The following DNAJC10 variants were observed in gnomAD, a reference collection of about 807,000 sequenced individuals.
DNAJC10 encodes endoplasmic reticulum disulfide reductase DNAJC10.
A neutral mutation model predicts 115.0 loss-of-function variants in DNAJC10; 101 were observed. The observed-to-expected ratio is 0.88, with a 90% CI of 0.75 to 1.04. DNAJC10 has a LOEUF of 1.04. DNAJC10 is among the 50% of genes least tolerant of loss of function. The pLI is 0.00. For synonymous variants in DNAJC10, 307 were observed against 301.5 expected (o/e 1.02, Z -0.19); for missense variants, 981 against 928.8 (o/e 1.06, Z -0.73).
Position 182,716,455 on chromosome 2 carries a change from G to C in DNAJC10, c.-232G>C, listed in dbSNP as rs968042571. The C allele has an allele frequency of 2.0e-5, 3 of 152,612 alleles. No individual in the cohort carries two copies. The highest frequency in any genetic ancestry group is 7.2e-5 in the African/African-American group (3 of 41,450). The allele number at this position is 152,612 out of a possible 1,614,324, so 9.5% of individuals were successfully genotyped here. A position where few individuals can be genotyped will look rare whatever the true frequency, so the allele number is the denominator to read the frequency against. On this transcript the variant is annotated 5_prime_UTR_variant, in exon 1 of 24. It removes the in-frame stop codon of an upstream open reading frame in the 5' UTR. Coordinates refer to ENST00000264065, the MANE Select transcript of DNAJC10 (RefSeq NM_018981.4). Reference sequence around the variant, plus strand: ...GCCAGGGTTTGAGGATGGGGGAGTAGCTACAGGAAGCGACCCCGCGATGGC... The same window carrying C: ...GCCAGGGTTTGAGGATGGGGGAGTACCTACAGGAAGCGACCCCGCGATGGC...
At chr2:182,749,825 G>A (rs2105663844) in intron 14 of DNAJC10, among the ~76,000 whole-genome samples, 1 of 152,180 alleles carries the variant, frequency 6.6e-6, no homozygotes, top group East Asian at 1.9e-4. Flanking sequence ...AGGAATCTGA[G>A]AAAAATTTAG....
intron 14 of DNAJC10, among the ~76,000 whole-genome samples, chr2:182,746,736 T>G (rs1239652650): frequency 7.9e-5 from 12 of 152,160 alleles, no homozygotes; most frequent in Admixed American, 2.0e-4. Flanking sequence ...TTAGTTTAAT[T>G]AGATCCCATT....
intron 3 of DNAJC10, 152 bp downstream of exon 3, chr2:182,718,442 G>A (rs1693057155): frequency 2.8e-6 from 2 of 705,770 alleles, no homozygotes; most frequent in East Asian, 5.9e-5. Context: ...GCACCAAAAT[G>A]TTCTGGATTA....
At chr2:182,743,575 A>C in intron 13 of DNAJC10, 23 bp from the exon 14 acceptor site, 1 of 1,532,754 alleles carries the variant, frequency 6.5e-7, no homozygotes, top group African/African-American at 1.4e-5. Context: ...GTTTTTATCA[A>C]ATTTGACCTT....
intron 5 of DNAJC10, among the ~76,000 whole-genome samples, chr2:182,722,759 G>T (rs1464177128): frequency 6.6e-6 from 1 of 151,994 alleles, no homozygotes; most frequent in Admixed American, 6.6e-5. Flanking sequence ...TGGCCAACAT[G>T]GGGAAAACCC....
At chr2:182,747,483 CTT>C (rs746705411) in intron 14 of DNAJC10, among the ~76,000 whole-genome samples, 89,329 of 136,724 alleles carry the variant, frequency 0.65, 29,646 homozygotes, top group African/African-American at 0.78. Context: ...ATTTTATTCT[CTT>C]TGTAGCAATT....
intron 5 of DNAJC10, among the ~76,000 whole-genome samples, chr2:182,727,795 A>G (rs192270951): frequency 6.6e-6 from 1 of 152,186 alleles, no homozygotes; most frequent in Admixed American, 6.5e-5. Context: ...AAGCAGATTA[A>G]CCTCGCCTTT....
At chr2:182,757,325 C>T (rs1235298562) in intron 18 of DNAJC10, among the ~76,000 whole-genome samples, 1 of 152,112 alleles carries the variant, frequency 6.6e-6, no homozygotes, top group Non-Finnish European at 1.5e-5. Flanking sequence ...AGGTGTGAGT[C>T]AGTATAACAC....
At chr2:182,736,845 GT>G (rs1693597936) in intron 11 of DNAJC10, among the ~76,000 whole-genome samples, 1 of 152,112 alleles carries the variant, frequency 6.6e-6, no homozygotes, top group Non-Finnish European at 1.5e-5. Flanking sequence ...TGCCTCCTGG[GT>G]TCAAGTGATT....
rs1227323275 is a variant in DNAJC10, at chr2:182,792,163, A to ATAAG, written c.*15035_*15038dup. 4 of 152,218 alleles carry ATAAG rather than the reference A, an allele frequency of 2.6e-5. No homozygotes were observed. Among genetic ancestry groups the ATAAG allele is most frequent in the Non-Finnish European group, 4.4e-5 (3 of 68,032 alleles). The allele number at this position is 152,218 out of a possible 1,614,324, so 9.4% of individuals were successfully genotyped here. Reference sequence around the variant, plus strand: ...AAAAAAGAGATGCTCAAGTCAATTTATAAGTAATCCTCACAAATGCTTGCA... The same window carrying ATAAG: ...AAAAAAGAGATGCTCAAGTCAATTTATAAGTAAGTAATCCTCACAAATGCTTGCA... On this transcript the variant is annotated 3_prime_UTR_variant, in exon 24 of 24. Transcript: ENST00000264065.
In DNAJC10 at chr2:182,789,096, C is replaced by T. The variant is rs537748056; in HGVS notation, c.*11964C>T. On this transcript the variant is annotated 3_prime_UTR_variant, in exon 24 of 24. Coordinates refer to ENST00000264065, the MANE Select transcript of DNAJC10 (RefSeq NM_018981.4). ...CTGCTAGACCCTGACAACCACCACC[C>T]TACTTTCTATCAATATGACTACCAT... 4.6e-6 allele frequency: 1 copy of T among 215,276 alleles called. No individual in the cohort carries two copies. Among genetic ancestry groups the T allele is most frequent in the Admixed American group, 5.8e-5 (1 of 17,152 alleles). The allele number at this position is 215,276 out of a possible 1,614,324, so 13.3% of individuals were successfully genotyped here. A position where few individuals can be genotyped will look rare whatever the true frequency, so the allele number is the denominator to read the frequency against.
intron 10 of DNAJC10, among the ~76,000 whole-genome samples, chr2:182,735,093 A>G (rs1038371681): frequency 4.6e-5 from 7 of 151,544 alleles, no homozygotes; most frequent in African/African-American, 1.7e-4. Flanking sequence ...TACCTGTTTT[A>G]TAGTCCTTTT....
In DNAJC10 at chr2:182,791,429, G is replaced by A. The variant is rs185564007; in HGVS notation, c.*14297G>A. The A allele has an allele frequency of 4.7e-4, 71 of 152,288 alleles. No homozygotes were observed. Among genetic ancestry groups the A allele is most frequent in the African/African-American group, 1.6e-3 (68 of 41,566 alleles). 9.4% of individuals were successfully genotyped at this position (152,288 alleles called of 1,614,324 possible). A position where few individuals can be genotyped will look rare whatever the true frequency, so the allele number is the denominator to read the frequency against. On this transcript the variant is annotated 3_prime_UTR_variant, in exon 24 of 24. Coordinates refer to ENST00000264065, the MANE Select transcript of DNAJC10 (RefSeq NM_018981.4). ...GTTACTCTAAAATGAAATTTTAAAA[G>A]TATATAAACATCTTAAACTTTAAAA... is the stretch of plus-strand genomic sequence containing the variant.
chr2:182,774,600 C>G (rs1470213006), intron 22 of DNAJC10, among the ~76,000 whole-genome samples: 1 of 152,238 alleles, frequency 6.6e-6, no homozygotes, highest in African/African-American at 2.4e-5. Flanking sequence ...ACAGTTCAAT[C>G]TTAGACTGCT....
chr2:182,762,909 T>C, intron 22 of DNAJC10, 108 bp downstream of exon 22: 1 of 1,268,588 alleles, frequency 7.9e-7, no homozygotes, highest in Non-Finnish European at 1.1e-6. Flanking sequence ...GTCATTTTTT[T>C]ATATTATTAC....
intron 14 of DNAJC10, 147 bp downstream of exon 14, chr2:182,743,859 A>G (rs1449952297): frequency 3.3e-6 from 2 of 602,840 alleles, no homozygotes; most frequent in Non-Finnish European, 5.8e-6. Flanking sequence ...ATTTTGAATT[A>G]TATGTAGTCA....
intron 14 of DNAJC10, among the ~76,000 whole-genome samples, chr2:182,751,448 T>C (rs553321556): frequency 2.2e-4 from 34 of 152,266 alleles, no homozygotes; most frequent in African/African-American, 7.9e-4. Flanking sequence ...TTGACATTTT[T>C]AACTAGTCCA....
At chr2:182,771,173 A>C (rs559272195) in intron 22 of DNAJC10, among the ~76,000 whole-genome samples, 101 of 152,252 alleles carry the variant, frequency 6.6e-4, no homozygotes, top group African/African-American at 2.3e-3. Context: ...ATCTTGGTGG[A>C]TAAGCTTTTT....
chr2:182,728,792 A>G (rs1693358155), intron 6 of DNAJC10, 71 bp from the exon 7 acceptor site: 3 of 1,550,306 alleles, frequency 1.9e-6, no homozygotes, highest in South Asian at 1.2e-5. Flanking sequence ...TTAAAAATAT[A>G]TAGCTTGGAG....
Sources: gnomAD v4.1 joint callset for allele counts (sites outside exome capture counted in the v4.1 genomes callset) on GRCh38, gnomAD v4.1.1 for gene constraint, MANE v1.5 for transcripts, NCBI Gene and HGNC (gene_info 2026-07-23, HGNC 2026-07-21) for gene names.